GRID1: variants seen among roughly 807,000 people sequenced by gnomAD.
GRID1 encodes glutamate receptor ionotropic, delta-1.
A neutral mutation model predicts 98.0 loss-of-function variants in GRID1; 28 were observed. That is an observed-to-expected ratio of 0.29 (90% CI 0.21 to 0.39). The LOEUF is 0.39. Among genes scored for constraint, GRID1 ranks in the 10% least tolerant of loss-of-function variants. The pLI, the probability that GRID1 is intolerant of heterozygous loss-of-function variation, is 1.00. For synonymous variants in GRID1, 553 were observed against 538.5 expected (o/e 1.03, Z -0.37); for missense variants, 1,111 against 1,340.5 (o/e 0.83, Z 2.67).
chr10:86,075,061 C>G (rs923257899), intron 4 of GRID1, among the ~76,000 whole-genome samples: 1 of 150,424 alleles, frequency 6.6e-6, no homozygotes, highest in Non-Finnish European at 1.5e-5. Flanking sequence ...TGACACCCCA[C>G]AGTGAGAGGC....
intron 4 of GRID1, among the ~76,000 whole-genome samples, chr10:86,050,044 C>A (rs1843479888): frequency 6.6e-6 from 1 of 152,186 alleles, no homozygotes; most frequent in Non-Finnish European, 1.5e-5. Flanking sequence ...TGATGGCATC[C>A]ATGCACACAC....
At chr10:86,098,456 T>C (rs1440196656) in intron 4 of GRID1, among the ~76,000 whole-genome samples, 1 of 152,212 alleles carries the variant, frequency 6.6e-6, no homozygotes, top group Admixed American at 6.5e-5. Context: ...CCCCTAACAT[T>C]GGCTCCTTAG....
intron 2 of GRID1, among the ~76,000 whole-genome samples, chr10:86,263,023 C>T (rs118105596): frequency 0.014 from 2,098 of 148,498 alleles, 19 homozygotes; most frequent in Non-Finnish European, 0.022. Flanking sequence ...GAGAAAACAT[C>T]TTTGTTCTGC....
intron 8 of GRID1, among the ~76,000 whole-genome samples, chr10:85,795,344 A>G (rs985797219): frequency 1.3e-5 from 2 of 152,186 alleles, no homozygotes; most frequent in African/African-American, 4.8e-5. Flanking sequence ...AACATATGAC[A>G]GCAAAAGATT....
At chr10:86,018,186 T>C (rs990356892) in intron 4 of GRID1, among the ~76,000 whole-genome samples, 2 of 152,262 alleles carry the variant, frequency 1.3e-5, no homozygotes, top group East Asian at 1.9e-4. Context: ...CCCTGGGCCA[T>C]GCACCGCAGC....
intron 2 of GRID1, among the ~76,000 whole-genome samples, chr10:86,340,480 T>G (rs1484533702): frequency 6.6e-6 from 1 of 151,452 alleles, no homozygotes. Flanking sequence ...AGCCCACAAT[T>G]CCCCTCCTCT....
intron 4 of GRID1, among the ~76,000 whole-genome samples, chr10:85,964,285 T>A (rs1842308807): frequency 6.6e-6 from 1 of 151,732 alleles, no homozygotes; most frequent in Admixed American, 6.6e-5. Flanking sequence ...GGAAAAAACA[T>A]GAAAAAATAA....
intron 4 of GRID1, among the ~76,000 whole-genome samples, chr10:85,953,603 T>C (rs995697816): frequency 6.6e-6 from 1 of 152,206 alleles, no homozygotes; most frequent in African/African-American, 2.4e-5. Flanking sequence ...CTTTGCAGAA[T>C]CTGTGGACTC....
intron 4 of GRID1, among the ~76,000 whole-genome samples, chr10:85,924,215 T>C (rs1485932085): frequency 6.6e-6 from 1 of 152,242 alleles, no homozygotes; most frequent in Non-Finnish European, 1.5e-5. Context: ...ACAGGTGGCC[T>C]TTGCTTTGCA....
intron 6 of GRID1, among the ~76,000 whole-genome samples, chr10:85,862,588 C>G (rs559594059): frequency 6.6e-6 from 1 of 152,240 alleles, no homozygotes; most frequent in Non-Finnish European, 1.5e-5. Context: ...TAGGAGGCGT[C>G]TCTGGGAAGC....
At chr10:86,167,907 G>A (rs551386687) in intron 3 of GRID1, among the ~76,000 whole-genome samples, 5 of 152,166 alleles carry the variant, frequency 3.3e-5, no homozygotes, top group African/African-American at 7.2e-5. Flanking sequence ...AGTTGTGACC[G>A]AGGGAGGCAC....
chr10:85,727,765 A>G, intron 10 of GRID1, 90 bp downstream of exon 10: 1 of 950,064 alleles, frequency 1.1e-6, no homozygotes, highest in Non-Finnish European at 1.7e-6. Flanking sequence ...GCTGGTCCCA[A>G]GGTTTCCACT....
chr10:85,951,248 A>C (rs1220256022), intron 4 of GRID1, among the ~76,000 whole-genome samples: 1 of 152,204 alleles, frequency 6.6e-6, no homozygotes, highest in Non-Finnish European at 1.5e-5. Context: ...TTTGTCTGGC[A>C]TATAGTACAT....
At chr10:85,857,116 G>C (rs1843119429) in intron 6 of GRID1, among the ~76,000 whole-genome samples, 1 of 152,182 alleles carries the variant, frequency 6.6e-6, no homozygotes, top group African/African-American at 2.4e-5. Flanking sequence ...CAAGAGATGA[G>C]GATTCTGGTG....
At chr10:86,055,353 T>C (rs1353290823) in intron 4 of GRID1, among the ~76,000 whole-genome samples, 1 of 152,214 alleles carries the variant, frequency 6.6e-6, no homozygotes, top group Non-Finnish European at 1.5e-5. Flanking sequence ...CCAGAATTCA[T>C]ATGTTGAATC....
At chr10:85,825,338 T>C (rs1842809218) in intron 8 of GRID1, among the ~76,000 whole-genome samples, 1 of 152,182 alleles carries the variant, frequency 6.6e-6, no homozygotes, top group South Asian at 2.1e-4. Context: ...TATCTTCTTT[T>C]GAAAAGTGTC....
intron 2 of GRID1, among the ~76,000 whole-genome samples, chr10:86,355,047 C>A (rs1848515790): frequency 6.6e-6 from 1 of 152,204 alleles, no homozygotes; most frequent in Admixed American, 6.5e-5. Flanking sequence ...CCACCACAGA[C>A]CACTCAGGCT....
At chr10:86,098,453 C>CCCTTA (rs1844251698) in intron 4 of GRID1, among the ~76,000 whole-genome samples, 1 of 152,226 alleles carries the variant, frequency 6.6e-6, no homozygotes. Flanking sequence ...ACACCCCTAA[C>CCCTTA]ATTGGCTCCT....
chr10:86,015,166 G>A (rs888184072), intron 4 of GRID1, among the ~76,000 whole-genome samples: 1 of 152,184 alleles, frequency 6.6e-6, no homozygotes, highest in African/African-American at 2.4e-5. Context: ...TCTGAGCAGA[G>A]AATTTTATAT....
Sources: gnomAD v4.1 joint callset for allele counts (sites outside exome capture counted in the v4.1 genomes callset) on GRCh38, gnomAD v4.1.1 for gene constraint, MANE v1.5 for transcripts, NCBI Gene and HGNC (gene_info 2026-07-23, HGNC 2026-07-21) for gene names.